Variants in RHOU observed in about 807,000 individuals in gnomAD.
The protein encoded by RHOU is rho-related GTP-binding protein RhoU.
RHOU carries 8 observed loss-of-function variants against 12.6 expected under a neutral mutation model. The ratio of observed to expected loss-of-function variants is 0.64; its 90% CI spans 0.37 to 1.15. The LOEUF (loss-of-function observed/expected upper bound fraction) is 1.15. RHOU is among the 50% of genes most tolerant of loss of function. The pLI is 0.01. For missense variants in RHOU, 258 were observed against 347.0 expected (o/e 0.74, Z 2.04); for synonymous variants, 161 against 147.4 (o/e 1.09, Z -0.67).
chr1:228,703,771 T>C, the RHOU span, among the ~76,000 whole-genome samples: 1 of 152,190 alleles, frequency 6.6e-6, no homozygotes, highest in Non-Finnish European at 1.5e-5. Context: ...TTATAAACAC[T>C]GTATCCAGGA....
At chr1:228,724,061 AG>A in the RHOU span, among the ~76,000 whole-genome samples, 1 of 152,138 alleles carries the variant, frequency 6.6e-6, no homozygotes, top group Non-Finnish European at 1.5e-5. Context: ...TCTCTGTGAC[AG>A]TCATCCTGGA....
chr1:228,656,367 A>G, the RHOU span, among the ~76,000 whole-genome samples: 1 of 152,186 alleles, frequency 6.6e-6, no homozygotes, highest in African/African-American at 2.4e-5. Flanking sequence ...TTAGCTTTAC[A>G]CTTCGGTTTG....
the RHOU span, among the ~76,000 whole-genome samples, chr1:228,647,622 T>C: frequency 6.6e-6 from 1 of 152,088 alleles, no homozygotes; most frequent in Non-Finnish European, 1.5e-5. Flanking sequence ...GTGAATTGAA[T>C]TGCCTGGTGG....
chr1:228,653,316 G>T, the RHOU span, among the ~76,000 whole-genome samples: 5 of 151,984 alleles, frequency 3.3e-5, no homozygotes, highest in Non-Finnish European at 5.9e-5. Context: ...CATCATGTCG[G>T]ACTAATTTTT....
the RHOU span, among the ~76,000 whole-genome samples, chr1:228,698,861 G>A: frequency 1.3e-5 from 2 of 152,138 alleles, no homozygotes; most frequent in Admixed American, 6.5e-5. Context: ...ACAAATAAAA[G>A]TATACCACAT....
chr1:228,676,159 A>G, the RHOU span, among the ~76,000 whole-genome samples: 2 of 150,066 alleles, frequency 1.3e-5, no homozygotes, highest in African/African-American at 2.5e-5. Flanking sequence ...TTAAAGTGAC[A>G]GAGTCTCCCT....
the RHOU span, among the ~76,000 whole-genome samples, chr1:228,703,450 C>T: frequency 5.3e-5 from 8 of 151,268 alleles, no homozygotes; most frequent in African/African-American, 9.7e-5. Flanking sequence ...GGCGTGAACC[C>T]GGGAGGTGAT....
the RHOU span, among the ~76,000 whole-genome samples, chr1:228,686,251 G>C: frequency 6.6e-6 from 1 of 151,984 alleles, no homozygotes; most frequent in Non-Finnish European, 1.5e-5. Context: ...TGAAACAATA[G>C]CTATATAGTG....
At chr1:228,647,006 G>A in the RHOU span, among the ~76,000 whole-genome samples, 3 of 146,634 alleles carry the variant, frequency 2.0e-5, no homozygotes, top group Non-Finnish European at 4.5e-5. Flanking sequence ...GAGAAATAAC[G>A]CGAGGTCCAG....
chr1:228,707,010 C>T, the RHOU span, among the ~76,000 whole-genome samples: 1 of 149,228 alleles, frequency 6.7e-6, no homozygotes, highest in South Asian at 2.1e-4. Flanking sequence ...GCATCCTTGC[C>T]TCGTTTCTTA....
the RHOU span, among the ~76,000 whole-genome samples, chr1:228,715,043 A>C: frequency 9.9e-5 from 15 of 152,104 alleles, 1 homozygote; most frequent in South Asian, 3.1e-3. Context: ...CGCCTGGCCA[A>C]TTAACTTTAA....
the RHOU span, among the ~76,000 whole-genome samples, chr1:228,689,002 T>A: frequency 6.6e-6 from 1 of 152,104 alleles, no homozygotes; most frequent in African/African-American, 2.4e-5. Context: ...GGAGACAGAA[T>A]GGACAGTAAT....
chr1:228,731,459 A>AG (rs1662494504), upstream of RHOU, among the ~76,000 whole-genome samples: 1 of 152,198 alleles, frequency 6.6e-6, no homozygotes, highest in African/African-American at 2.4e-5. Flanking sequence ...CAACATAAAA[A>AG]GGGGTAAAGC....
the RHOU span, chr1:228,648,155 T>C: frequency 2.4e-3 from 361 of 152,328 alleles, 3 homozygotes; most frequent in Middle Eastern, 0.024. Context: ...TCGCCGGAGG[T>C]CTGGCTGGGT....
At chr1:228,648,474 T>C in the RHOU span, among the ~76,000 whole-genome samples, 1 of 152,214 alleles carries the variant, frequency 6.6e-6, no homozygotes, top group Non-Finnish European at 1.5e-5. Flanking sequence ...CCTGGGATCT[T>C]CTCTGGTCTT....
chr1:228,664,001 C>T, the RHOU span, among the ~76,000 whole-genome samples: 1 of 124,120 alleles, frequency 8.1e-6, no homozygotes, highest in African/African-American at 3.0e-5. Context: ...CCTCCCCTCC[C>T]CTCCTCTCCC....
At chr1:228,730,670 C>T (rs1558083499), upstream of RHOU, among the ~76,000 whole-genome samples, 1 of 152,142 alleles carries the variant, frequency 6.6e-6, no homozygotes, top group Non-Finnish European at 1.5e-5. Context: ...CTTCTGATGT[C>T]CTCTTATAGG....
At chr1:228,650,398 G>C in the RHOU span, 17 of 457,630 alleles carry the variant, frequency 3.7e-5, no homozygotes, top group Admixed American at 2.6e-4. Context: ...ACTGGTGTGC[G>C]CCAGCCCGGG....
chr1:228,741,011 A>G (rs1416925137), intron 2 of RHOU, among the ~76,000 whole-genome samples: 1 of 152,136 alleles, frequency 6.6e-6, no homozygotes, highest in African/African-American at 2.4e-5. Flanking sequence ...CGGAAATAGG[A>G]GTAGTTCACT....
Sources: gnomAD v4.1 joint callset for allele counts (sites outside exome capture counted in the v4.1 genomes callset) on GRCh38, gnomAD v4.1.1 for gene constraint, MANE v1.5 for transcripts, NCBI Gene and HGNC (gene_info 2026-07-23, HGNC 2026-07-21) for gene names.